Variants in ZNF385D observed in about 807,000 individuals in gnomAD.
The protein encoded by ZNF385D is zinc finger protein 659.
In ZNF385D, 15 loss-of-function variants were observed where a neutral mutation model predicts 35.8. That is an observed-to-expected ratio of 0.42 (90% CI 0.28 to 0.64). ZNF385D has a LOEUF of 0.64. Among genes scored for constraint, ZNF385D ranks in the 30% least tolerant of loss-of-function variants. The pLI, the probability that ZNF385D is intolerant of heterozygous loss-of-function variation, is 0.23. For missense variants in ZNF385D, 474 were observed against 494.6 expected, an observed-to-expected ratio of 0.96 and a Z score of 0.39; for synonymous variants, 212 against 186.8, an observed-to-expected ratio of 1.13 and a Z score of -1.10.
At chr3:21,473,171 A>G (rs1049894355) in intron 4 of ZNF385D, among the ~76,000 whole-genome samples, 13 of 152,054 alleles carry the variant, frequency 8.5e-5, no homozygotes, top group African/African-American at 2.7e-4. Flanking sequence ...TTGTTTTAAA[A>G]GTGCAACTGC....
At chr3:21,453,010 C>T (rs552139372) in intron 4 of ZNF385D, among the ~76,000 whole-genome samples, 9 of 151,746 alleles carry the variant, frequency 5.9e-5, no homozygotes, top group Non-Finnish European at 1.2e-4. Flanking sequence ...AACAGTGTGG[C>T]ATAAGAATAG....
chr3:21,941,069 G>T (rs1042337411), intron 3 of ZNF385D, among the ~76,000 whole-genome samples: 3 of 152,112 alleles, frequency 2.0e-5, no homozygotes, highest in Non-Finnish European at 4.4e-5. Flanking sequence ...TCCAGCCAAT[G>T]AAAAAAGATG....
At chr3:22,035,674 A>T (rs1305829605) in intron 3 of ZNF385D, among the ~76,000 whole-genome samples, 3 of 152,126 alleles carry the variant, frequency 2.0e-5, no homozygotes, top group Non-Finnish European at 4.4e-5. Context: ...ACCCCCACCT[A>T]ATCAGCAAGA....
chr3:21,529,482 T>TAGAA (rs2061869443), intron 3 of ZNF385D, among the ~76,000 whole-genome samples: 1 of 152,144 alleles, frequency 6.6e-6, no homozygotes, highest in Admixed American at 6.5e-5. Context: ...CATCATAATT[T>TAGAA]AGAAAGATTT....
At chr3:22,285,267 A>T (rs1228100787) in intron 2 of ZNF385D, among the ~76,000 whole-genome samples, 1 of 152,086 alleles carries the variant, frequency 6.6e-6, no homozygotes. Flanking sequence ...TCTGCCTCTA[A>T]CCCTCCACCA....
At chr3:21,742,273 A>G (rs1434387955) in intron 1 of ZNF385D, among the ~76,000 whole-genome samples, 2 of 152,252 alleles carry the variant, frequency 1.3e-5, no homozygotes, top group African/African-American at 4.8e-5. Context: ...CAAAGTACAT[A>G]CTTGAACCAG....
intron 2 of ZNF385D, among the ~76,000 whole-genome samples, chr3:21,616,382 T>G (rs914470517): frequency 2.6e-5 from 4 of 152,198 alleles, no homozygotes; most frequent in African/African-American, 9.6e-5. Flanking sequence ...TCACTGATAG[T>G]GCTAAATTAG....
chr3:21,563,416 CTTTTTT>C (rs935765643), intron 3 of ZNF385D: 10 of 152,168 alleles, frequency 6.6e-5, no homozygotes, highest in African/African-American at 2.4e-4. Context: ...CCACTCTTCT[CTTTTTT>C]AAGTCAATGG....
At chr3:22,215,940 A>G (rs1288889375) in intron 2 of ZNF385D, among the ~76,000 whole-genome samples, 1 of 152,012 alleles carries the variant, frequency 6.6e-6, no homozygotes, top group East Asian at 1.9e-4. Context: ...AAAAGAACGT[A>G]TGTGAAATAT....
intron 4 of ZNF385D, among the ~76,000 whole-genome samples, chr3:21,497,452 T>G (rs915376416): frequency 6.6e-6 from 1 of 152,158 alleles, no homozygotes; most frequent in Non-Finnish European, 1.5e-5. Context: ...ATTAATATTG[T>G]TAAAATGGCC....
At chr3:22,034,793 T>C (rs1698211087) in intron 3 of ZNF385D, among the ~76,000 whole-genome samples, 1 of 152,116 alleles carries the variant, frequency 6.6e-6, no homozygotes, top group East Asian at 1.9e-4. Flanking sequence ...AGAACAGCAA[T>C]AATGAGAGAA....
At chr3:22,022,068 G>C (rs896622376) in intron 3 of ZNF385D, among the ~76,000 whole-genome samples, 2 of 152,060 alleles carry the variant, frequency 1.3e-5, no homozygotes, top group Admixed American at 1.3e-4. Context: ...AATTGAGTGT[G>C]AGTAAAATTG....
intron 3 of ZNF385D, among the ~76,000 whole-genome samples, chr3:22,150,101 C>G (rs1705122651): frequency 6.6e-6 from 1 of 152,064 alleles, no homozygotes; most frequent in Non-Finnish European, 1.5e-5. Flanking sequence ...TTGCTTTTCC[C>G]AAGAATCTCA....
At chr3:21,892,450 G>T (rs1300733515) in intron 3 of ZNF385D, among the ~76,000 whole-genome samples, 2 of 152,074 alleles carry the variant, frequency 1.3e-5, no homozygotes, top group East Asian at 3.8e-4. Flanking sequence ...ACTCAATTTT[G>T]CTCCTCCAAA....
chr3:21,563,844 G>A (rs559654811), intron 3 of ZNF385D, among the ~76,000 whole-genome samples: 233 of 152,224 alleles, frequency 1.5e-3, no homozygotes, highest in Non-Finnish European at 2.6e-3. Context: ...GTTTAGCGGG[G>A]AAGAGAAGAC....
At chr3:22,148,080 A>T (rs961732511) in intron 3 of ZNF385D, among the ~76,000 whole-genome samples, 3 of 152,160 alleles carry the variant, frequency 2.0e-5, no homozygotes, top group Admixed American at 2.0e-4. Context: ...ATCCCACTTT[A>T]ACAACTTTAT....
Position 22,238,741 on chromosome 3 carries a change from GA to G in ZNF385D, c.107-69707del, listed in dbSNP as rs1699328812. Among the ~76,000 whole-genome samples the G allele has an allele frequency of 3.3e-5, 5 of 150,586 alleles. No individual in the cohort carries two copies. The South Asian group carries it at 1.1e-3, about 33-fold the overall frequency. ...TGTTTCTTAATATTTTTTATATATA[GA>G]TTTTTTTTTAGACAAGATCTTGCTC... On this transcript the variant is annotated intron_variant, in intron 2 of 5. Transcript: ENST00000494108.
intron 2 of ZNF385D, among the ~76,000 whole-genome samples, chr3:21,593,825 G>A (rs569894235): frequency 7.5e-6 from 1 of 133,636 alleles, no homozygotes; most frequent in Non-Finnish European, 1.6e-5. Flanking sequence ...TGAAAAATAA[G>A]AAAAAAGAGG....
chr3:22,180,487 G>C (rs899494740), intron 2 of ZNF385D, among the ~76,000 whole-genome samples: 17 of 152,214 alleles, frequency 1.1e-4, no homozygotes, highest in African/African-American at 3.6e-4. Flanking sequence ...AACACAAAAA[G>C]GGAATTTTAG....
Sources: allele counts gnomAD v4.1 joint callset (sites outside exome capture counted in the v4.1 genomes callset), GRCh38; gene constraint gnomAD v4.1.1; transcripts MANE v1.5; gene names NCBI Gene and HGNC (gene_info 2026-07-23, HGNC 2026-07-21).